C1QTNF7: variants seen among roughly 807,000 people sequenced by gnomAD.
C1QTNF7 encodes C1q and TNF related 7.
In C1QTNF7, 15 loss-of-function variants were observed where a neutral mutation model predicts 19.6. The ratio of observed to expected loss-of-function variants is 0.76; its 90% CI spans 0.51 to 1.18. C1QTNF7 has a LOEUF of 1.18. Among genes scored for constraint, C1QTNF7 ranks in the 50% most tolerant of loss-of-function variants. C1QTNF7 has a pLI of 0.00. For missense variants in C1QTNF7, 324 were observed against 359.7 expected, an observed-to-expected ratio of 0.90 and a Z score of 0.80; for synonymous variants, 142 against 137.5, an observed-to-expected ratio of 1.03 and a Z score of -0.23.
At chr4:15,366,819 T>C (rs1185611386) in intron 1 of C1QTNF7, among the ~76,000 whole-genome samples, 1 of 152,162 alleles carries the variant, frequency 6.6e-6, no homozygotes, top group Non-Finnish European at 1.5e-5. Flanking sequence ...GAGAGCTTCA[T>C]TGTTGATTAA....
chr4:15,436,835 G>C (rs1297329301), intron 2 of C1QTNF7, among the ~76,000 whole-genome samples: 1 of 152,098 alleles, frequency 6.6e-6, no homozygotes, highest in Non-Finnish European at 1.5e-5. Context: ...AAGATAGGAA[G>C]GAAAAAATTC....
chr4:15,426,083 GA>G (rs747764773), upstream of C1QTNF7, among the ~76,000 whole-genome samples: 5 of 152,272 alleles, frequency 3.3e-5, no homozygotes, highest in East Asian at 7.7e-4. Flanking sequence ...GGTGCTCTGG[GA>G]ACACTGATGG....
At chr4:15,393,700 C>G (rs906213955) in intron 1 of C1QTNF7, among the ~76,000 whole-genome samples, 2 of 152,150 alleles carry the variant, frequency 1.3e-5, no homozygotes, top group African/African-American at 4.8e-5. Context: ...CCTGTTTCCT[C>G]AACTTTAAAA....
At chr4:15,356,086 ATTTG>A (rs1041310129) in intron 1 of C1QTNF7, among the ~76,000 whole-genome samples, 6 of 150,386 alleles carry the variant, frequency 4.0e-5, no homozygotes, top group Non-Finnish European at 8.9e-5. Flanking sequence ...TTGTTTGTTT[ATTTG>A]TTTTTCAGTT....
intron 1 of C1QTNF7, among the ~76,000 whole-genome samples, chr4:15,400,289 C>T (rs966713559): frequency 6.6e-6 from 1 of 152,326 alleles, no homozygotes; most frequent in East Asian, 1.9e-4. Flanking sequence ...GATCTAAAGG[C>T]AGCAGCTCCC....
intron 1 of C1QTNF7, among the ~76,000 whole-genome samples, chr4:15,431,988 G>C (rs990582950): frequency 6.6e-6 from 1 of 152,222 alleles, no homozygotes; most frequent in African/African-American, 2.4e-5. Flanking sequence ...TTAGTGACAA[G>C]ATGCCATTTG....
chr4:15,367,155 T>C (rs1178613857), intron 1 of C1QTNF7, among the ~76,000 whole-genome samples: 3 of 152,172 alleles, frequency 2.0e-5, no homozygotes, highest in African/African-American at 7.2e-5. Flanking sequence ...CATTTGAATG[T>C]TTTCAATCCA....
chr4:15,423,586 C>T (rs1471674040), upstream of C1QTNF7, among the ~76,000 whole-genome samples: 2 of 152,186 alleles, frequency 1.3e-5, no homozygotes, highest in East Asian at 1.9e-4. Context: ...CATGAAATCC[C>T]ACTCACAGCC....
In C1QTNF7 at chr4:15,366,956, C is replaced by G. The variant is rs186506540; in HGVS notation, c.13+26749C>G. Reference sequence around the variant, plus strand: ...TTGTGAAACTAAGAGATTGGAAATTCAAAGGGCTTGAGACTAGGTTCTTTT... The same window carrying G: ...TTGTGAAACTAAGAGATTGGAAATTGAAAGGGCTTGAGACTAGGTTCTTTT... On this transcript the variant is annotated intron_variant, in intron 1 of 2. Coordinates refer to the C1QTNF7 transcript ENST00000295297. Among the ~76,000 whole-genome samples the G allele has an allele frequency of 2.6e-5, 4 of 152,296 alleles. No homozygotes were observed. The East Asian group carries it at 7.7e-4, about 29-fold the overall frequency.
At chr4:15,392,464 C>T (rs1192993948) in intron 1 of C1QTNF7, among the ~76,000 whole-genome samples, 2 of 152,212 alleles carry the variant, frequency 1.3e-5, no homozygotes, top group Non-Finnish European at 2.9e-5. Flanking sequence ...TCACAGGCAC[C>T]TGTGCAGGGA....
chr4:15,360,824 T>C (rs1717319161), intron 1 of C1QTNF7, among the ~76,000 whole-genome samples: 2 of 152,110 alleles, frequency 1.3e-5, no homozygotes, highest in African/African-American at 4.8e-5. Context: ...TATAGAACCT[T>C]CAAACAACGA....
chr4:15,414,022 T>C (rs1719499438), intron 1 of C1QTNF7, among the ~76,000 whole-genome samples: 1 of 152,256 alleles, frequency 6.6e-6, no homozygotes, highest in Admixed American at 6.5e-5. Flanking sequence ...TAATGGGCAC[T>C]ATCTTTTTGA....
At chr4:15,433,397 C>T (rs553483033) in intron 1 of C1QTNF7, among the ~76,000 whole-genome samples, 1 of 152,202 alleles carries the variant, frequency 6.6e-6, no homozygotes, top group African/African-American at 2.4e-5. Context: ...ACGCTCCAGG[C>T]CTGCATCATG....
chr4:15,383,777 G>A (rs1384730099), intron 1 of C1QTNF7, among the ~76,000 whole-genome samples: 23 of 152,226 alleles, frequency 1.5e-4, no homozygotes, highest in Non-Finnish European at 5.9e-5. Context: ...TTCACCCCTT[G>A]CTAGTCTTGA....
At chr4:15,340,145 C>A (rs950891052) in exon 1 of C1QTNF7, 1 of 1,548,520 alleles carries the variant, frequency 6.5e-7, no homozygotes, top group African/African-American at 1.4e-5. Context: ...ATTCATGGGA[C>A]AACCAAAGCA....
chr4:15,342,729 T>G (rs1716589367), intron 1 of C1QTNF7, among the ~76,000 whole-genome samples: 1 of 152,222 alleles, frequency 6.6e-6, no homozygotes, highest in African/African-American at 2.4e-5. Flanking sequence ...CGGGGCTCTA[T>G]TCCCCAAAGT....
At chr4:15,349,405 C>G (rs1716825493) in intron 1 of C1QTNF7, among the ~76,000 whole-genome samples, 1 of 152,114 alleles carries the variant, frequency 6.6e-6, no homozygotes, top group Non-Finnish European at 1.5e-5. Context: ...TAGCACAGTG[C>G]CCGGGATATA....
At chr4:15,380,278 GA>G (rs1718088457) in intron 1 of C1QTNF7, among the ~76,000 whole-genome samples, 2 of 152,190 alleles carry the variant, frequency 1.3e-5, no homozygotes, top group Admixed American at 6.5e-5. Flanking sequence ...TATTATGCAG[GA>G]GGTTTATTTT....
chr4:15,352,695 T>C lies in C1QTNF7; in HGVS notation c.13+12488T>C, dbSNP rs151274809. On this transcript the variant is annotated intron_variant, in intron 1 of 2. Transcript: ENST00000295297. ...CTCATAACTGACATGAATCAGAGAG[T>C]GCAGCATCTTGCACTAAGGGCTGTT... is the stretch of plus-strand genomic sequence containing the variant. Among the ~76,000 whole-genome samples the C allele has an allele frequency of 4.5e-3, 689 of 152,072 alleles. 6 individuals carry two copies. Among genetic ancestry groups the C allele is most frequent in the African/African-American group, 0.016 (647 of 41,458 alleles).
Sources: gnomAD v4.1 joint callset for allele counts (sites outside exome capture counted in the v4.1 genomes callset) on GRCh38, gnomAD v4.1.1 for gene constraint, MANE v1.5 for transcripts, NCBI Gene and HGNC (gene_info 2026-07-23, HGNC 2026-07-21) for gene names.